ABI3BP: variants seen among roughly 807,000 people sequenced by gnomAD.
ABI3BP encodes the protein ABI family member 3 binding protein, also known as target of Nesh-SH3.
A neutral mutation model predicts 268.6 loss-of-function variants in ABI3BP; 216 were observed. That is an observed-to-expected ratio of 0.80 (90% CI 0.72 to 0.90). ABI3BP has a LOEUF of 0.90. Among genes scored for constraint, ABI3BP ranks in the 40% least tolerant of loss-of-function variants. ABI3BP has a pLI of 0.00. For synonymous variants in ABI3BP, 730 were observed against 730.0 expected (o/e 1.00, Z 0.00); for missense variants, 2,090 against 2,182.4 (o/e 0.96, Z 0.84).
At chr3:100,977,762 A>C (rs2086973417) in intron 1 of ABI3BP, among the ~76,000 whole-genome samples, 2 of 152,232 alleles carry the variant, frequency 1.3e-5, no homozygotes, top group African/African-American at 4.8e-5. Context: ...GAGCATGAAT[A>C]ACAGCAGGTG....
chr3:100,758,964 A>G (rs1008504113), intron 63 of ABI3BP, among the ~76,000 whole-genome samples: 1 of 152,166 alleles, frequency 6.6e-6, no homozygotes, highest in African/African-American at 2.4e-5. Flanking sequence ...GATGCTTGCC[A>G]TTCCCTACCC....
chr3:100,940,176 G>A (rs62273930), intron 1 of ABI3BP, among the ~76,000 whole-genome samples: 3 of 151,818 alleles, frequency 2.0e-5, no homozygotes, highest in African/African-American at 4.8e-5. Flanking sequence ...GTCCTGAGGC[G>A]ACATACATCT....
At chr3:100,839,638 A>C in intron 23 of ABI3BP, 22 bp from the exon 24 acceptor site, 2 of 1,535,630 alleles carry the variant, frequency 1.3e-6, no homozygotes, top group Non-Finnish European at 1.7e-6. Flanking sequence ...AATACCAAAA[A>C]CATGAAATAT....
At chr3:100,972,199 A>C (rs1304251980) in intron 1 of ABI3BP, among the ~76,000 whole-genome samples, 1 of 152,252 alleles carries the variant, frequency 6.6e-6, no homozygotes, top group East Asian at 1.9e-4. Context: ...TACATCATAT[A>C]AATTAAAGTG....
intron 14 of ABI3BP, among the ~76,000 whole-genome samples, chr3:100,857,009 T>G (rs2098947858): frequency 6.6e-6 from 1 of 151,632 alleles, no homozygotes; most frequent in South Asian, 2.1e-4. Context: ...TTACCATCCT[T>G]GCTGTAGGGG....
At chr3:100,753,925 G>A (rs2095476465) in intron 64 of ABI3BP, 77 bp from the exon 65 acceptor site, 8 of 1,415,470 alleles carry the variant, frequency 5.7e-6, no homozygotes, top group African/African-American at 4.2e-5. Flanking sequence ...GAAGATGATG[G>A]GGGCTTACAC....
intron 4 of ABI3BP, among the ~76,000 whole-genome samples, chr3:100,889,800 G>GA (rs2043674244): frequency 6.6e-6 from 1 of 152,030 alleles, no homozygotes; most frequent in African/African-American, 2.4e-5. Flanking sequence ...TTATAGCATT[G>GA]AAAAATCCAC....
chr3:100,796,409 C>G lies in ABI3BP; in HGVS notation c.3817G>C (p.Val1273Leu). The change falls in exon 52 of 68, where the codon GTT (valine) becomes CTT (leucine). Residue 1273 changes from valine (V) to leucine (L), a missense_variant and splice_region_variant. Transcript: ENST00000471714. The stretch of plus-strand genomic sequence containing the variant: ...CAGAAGGATGAAATAATTAATTTAC[C>G]AGGTTCGCTCTGAGAGACCTCAGGG... The part of the protein sequence containing the change: ...PYPEVSQSEP[V>L]LQPVTFRFEP... 6.4e-7 allele frequency: 1 copy of G among 1,574,430 alleles called. No homozygotes were observed. The highest frequency in any genetic ancestry group is 8.6e-7 in the Non-Finnish European group (1 of 1,163,012).
chr3:100,947,054 G>A (rs2072770976), intron 1 of ABI3BP, among the ~76,000 whole-genome samples: 1 of 152,068 alleles, frequency 6.6e-6, no homozygotes, highest in Admixed American at 6.6e-5. Context: ...TATCTTTCCT[G>A]ACTAGGGAAT....
chr3:100,991,870 C>T (rs34587221), intron 1 of ABI3BP, among the ~76,000 whole-genome samples: 25,953 of 151,790 alleles, frequency 0.17, 2,475 homozygotes, highest in East Asian at 0.44. Context: ...TGGGATTGTC[C>T]AGAAGTTTGC....
intron 1 of ABI3BP, among the ~76,000 whole-genome samples, chr3:100,936,654 G>A (rs2066287862): frequency 6.6e-6 from 1 of 151,810 alleles, no homozygotes; most frequent in Admixed American, 6.6e-5. Flanking sequence ...CTCAATTTCC[G>A]AACTTGTTAT....
At chr3:100,855,423 A>G (rs1282174527) in intron 14 of ABI3BP, among the ~76,000 whole-genome samples, 2 of 152,222 alleles carry the variant, frequency 1.3e-5, no homozygotes, top group East Asian at 1.9e-4. Flanking sequence ...CCTTTTTAAC[A>G]TTAACTCTTA....
chr3:100,908,102 C>T (rs1336345874), intron 2 of ABI3BP, among the ~76,000 whole-genome samples: 1 of 140,110 alleles, frequency 7.1e-6, no homozygotes, highest in African/African-American at 2.7e-5. Context: ...GGTGACAGAG[C>T]AAAGACTCTG....
At chr3:100,943,933 C>T (rs1030564934) in intron 1 of ABI3BP, among the ~76,000 whole-genome samples, 1 of 151,998 alleles carries the variant, frequency 6.6e-6, no homozygotes, top group Non-Finnish European at 1.5e-5. Flanking sequence ...ACTTATAATG[C>T]TATTTACCAG....
At position 100,750,390 on chromosome 3, in the gene ABI3BP, A is replaced by C. The variant is rs2095247077; in HGVS notation, c.*105T>G. On this transcript the variant is annotated 3_prime_UTR_variant, in exon 68 of 68. Coordinates refer to ENST00000471714, the MANE Select transcript of ABI3BP (RefSeq NM_001375547.2). Reference sequence around the variant, plus strand: ...CTAGTATTGCTATTAATTAGATTGTAGACTTTTATACATAGTAAACAAAAT... The same window carrying C: ...CTAGTATTGCTATTAATTAGATTGTCGACTTTTATACATAGTAAACAAAAT... The C allele has an allele frequency of 1.3e-6, 1 of 755,370 alleles. No individual in the cohort carries two copies. 46.8% of individuals were successfully genotyped at this position (755,370 alleles called of 1,614,324 possible). A position where few individuals can be genotyped will look rare whatever the true frequency, so the allele number is the denominator to read the frequency against.
At chr3:100,751,521 C>T (rs1486377729) in intron 67 of ABI3BP, 31 bp downstream of exon 67, 1 of 1,542,444 alleles carries the variant, frequency 6.5e-7, no homozygotes, top group Admixed American at 2.0e-5. Flanking sequence ...CTGTAAAACT[C>T]TGTTCTTATG....
intron 17 of ABI3BP, 150 bp downstream of exon 17, chr3:100,849,895 G>A: frequency 1.5e-6 from 1 of 651,572 alleles, no homozygotes; most frequent in South Asian, 2.0e-5. Flanking sequence ...TAAGTAGTCA[G>A]ATTCTTGGAA....
chr3:100,763,238 G>A (rs1253512962), intron 63 of ABI3BP, among the ~76,000 whole-genome samples: 1 of 151,930 alleles, frequency 6.6e-6, no homozygotes, highest in Admixed American at 6.6e-5. Context: ...AGGCAGGTTA[G>A]TCACCTGAGG....
intron 13 of ABI3BP, 141 bp from the exon 14 acceptor site, chr3:100,862,526 A>G: frequency 3.2e-6 from 2 of 623,140 alleles, no homozygotes; most frequent in East Asian, 2.8e-5. Flanking sequence ...ATTATATATC[A>G]GTAAGAAATC....
Sources: gnomAD v4.1 joint callset for allele counts (sites outside exome capture counted in the v4.1 genomes callset) on GRCh38, gnomAD v4.1.1 for gene constraint, MANE v1.5 for transcripts, NCBI Gene and HGNC (gene_info 2026-07-23, HGNC 2026-07-21) for gene names.